The following SMC6 variants were observed in gnomAD, a reference collection of about 807,000 sequenced individuals.
The protein encoded by SMC6 is structural maintenance of chromosomes protein 6.
Under a neutral mutation model 142.2 loss-of-function variants are expected in SMC6, and 79 were observed. The ratio of observed to expected loss-of-function variants is 0.56; its 90% CI spans 0.46 to 0.67. The LOEUF (loss-of-function observed/expected upper bound fraction) is 0.67. SMC6 is among the 30% of genes least tolerant of loss of function. SMC6 has a pLI of 0.00. For missense variants in SMC6, 1,072 were observed against 1,284.0 expected, an observed-to-expected ratio of 0.83 and a Z score of 2.52; for synonymous variants, 411 against 412.4, an observed-to-expected ratio of 1.00 and a Z score of 0.04.
At chr2:17,667,394 G>A (rs751733868) in intron 26 of SMC6, among the ~76,000 whole-genome samples, 12 of 152,250 alleles carry the variant, frequency 7.9e-5, no homozygotes, top group South Asian at 2.1e-4. Flanking sequence ...ATAATGCTTC[G>A]TTATAATAGG....
In SMC6 at chr2:17,721,170, G is replaced by T. The variant is rs764753490; in HGVS notation, c.818C>A (p.Ser273Tyr). The change falls in exon 10 of 28, where the codon TCC becomes TAC. Residue 273 changes from serine to tyrosine, a missense_variant. By Grantham distance (144) the Ser-to-Tyr change is moderately radical (BLOSUM62 -2). Transcript: ENST00000448223. ...TGCCCAAGCCATTTCATGTTTCAAG[G>T]ACTCTAAATTAGTCTTCATTGTACT... is the stretch of plus-strand genomic sequence containing the variant. ...GLSTMKTNLE[S>Y]LKHEMAWAVV... 21 of 1,611,818 alleles carry T rather than the reference G, an allele frequency of 1.3e-5. 2 individuals are homozygous for T. In the South Asian group the frequency reaches 2.2e-4, roughly 17 times the overall value.
intron 23 of SMC6, among the ~76,000 whole-genome samples, chr2:17,687,622 G>A (rs992337876): frequency 6.6e-6 from 1 of 152,124 alleles, no homozygotes; most frequent in South Asian, 2.1e-4. Flanking sequence ...AAAAAGAACT[G>A]TTGCCTATAG....
chr2:17,725,996 G>A (rs1282397415), intron 8 of SMC6, among the ~76,000 whole-genome samples: 6 of 137,924 alleles, frequency 4.4e-5, no homozygotes, highest in East Asian at 2.2e-4. Flanking sequence ...GCTGAGGCAC[G>A]AAAATCACTT....
intron 7 of SMC6, among the ~76,000 whole-genome samples, chr2:17,726,981 GT>G (rs1302286127): frequency 6.6e-6 from 1 of 152,162 alleles, no homozygotes; most frequent in East Asian, 1.9e-4. Context: ...ATGACAACAA[GT>G]ATTGTCTATT....
intron 16 of SMC6, among the ~76,000 whole-genome samples, chr2:17,712,822 CAG>C (rs901251473): frequency 6.6e-6 from 1 of 152,190 alleles, no homozygotes; most frequent in Non-Finnish European, 1.5e-5. Flanking sequence ...GTAAAGTTAA[CAG>C]AATGTTAGAC....
chr2:17,701,063 TA>T (rs1558345223), intron 20 of SMC6, among the ~76,000 whole-genome samples: 40 of 133,136 alleles, frequency 3.0e-4, no homozygotes, highest in Admixed American at 9.3e-4. Flanking sequence ...ATAATAATAA[TA>T]ATAATACAAA....
Position 17,714,994 on chromosome 2 carries a change from C to A in SMC6, c.1597G>T (p.Ala533Ser). The change falls in exon 16 of 28, where the codon GCC becomes TCC. Residue 533 changes from alanine (A) to serine (S), a missense_variant. Around this residue, in one of 3 missense-constraint regions of SMC6, gnomAD observed 994 missense variants for 1,153.2 expected, o/e 0.86. Transcript: ENST00000448223. ...TCAGCATGATTATGGCAACAATAGG[C>A]CTGCAGAAGCCCTTTTAAGCAAGAT... ...IESCLKGLLQ[A>S]YCCHNHADER... 1 of 1,613,960 alleles carries A rather than the reference C, an allele frequency of 6.2e-7. No homozygotes were observed. Among genetic ancestry groups the A allele is most frequent in the African/African-American group, 1.3e-5 (1 of 74,986 alleles).
Position 17,716,902 on chromosome 2 carries a change from A to G in SMC6, c.1185T>C (p.Thr395=). 1 of 1,594,460 alleles carries G rather than the reference A, an allele frequency of 6.3e-7. No homozygotes were observed. Among genetic ancestry groups the G allele is most frequent in the Non-Finnish European group, 8.5e-7 (1 of 1,174,042 alleles). The stretch of plus-strand genomic sequence containing the variant: ...ACCGTTCAGGTTCCAAAGATTGGTC[A>G]GTACTAACAGTAAATAACCCAAAGT... ...CKRIEELKKS[T]DQSLEPERLE... Residue 395 remains threonine, a synonymous_variant, in exon 14 of 28, where the codon ACT becomes ACC. Transcript: ENST00000448223.
In SMC6 at chr2:17,693,473, C is replaced by T. The variant is rs550741216; in HGVS notation, c.2678+1679G>A. 1.9e-3 allele frequency among the ~76,000 whole-genome samples: 294 copies of T among 152,136 alleles called. 1 individual carries two copies. Among genetic ancestry groups the T allele is most frequent in the Middle Eastern group, 6.8e-3 (2 of 294 alleles). On this transcript the variant is annotated intron_variant, in intron 23 of 27. Transcript: ENST00000448223. ...AAAAACCAAACACTGCATGTTCTCA[C>T]TCATAGGTGGGAATTGAACAACGAG...
intron 7 of SMC6, among the ~76,000 whole-genome samples, chr2:17,727,540 T>C (rs1019204076): frequency 6.6e-6 from 1 of 151,756 alleles, no homozygotes; most frequent in African/African-American, 2.4e-5. Flanking sequence ...CACACACACA[T>C]ATATGTAAAA....
chr2:17,747,880 T>G (rs1670833977), intron 2 of SMC6, among the ~76,000 whole-genome samples: 1 of 152,184 alleles, frequency 6.6e-6, no homozygotes, highest in African/African-American at 2.4e-5. Flanking sequence ...TCACAAGCCA[T>G]GTAACCTCTG....
At chr2:17,670,400 G>T in intron 26 of SMC6, 23 bp downstream of exon 26, 1 of 1,587,910 alleles carries the variant, frequency 6.3e-7, no homozygotes, top group South Asian at 1.2e-5. Context: ...AAATGAAAAA[G>T]AGAATTTAAA....
intron 4 of SMC6, among the ~76,000 whole-genome samples, chr2:17,739,734 G>A (rs2125066876): frequency 6.6e-6 from 1 of 152,082 alleles, no homozygotes; most frequent in South Asian, 2.1e-4. Context: ...GATAGCTTGA[G>A]CCCAGGAGTT....
chr2:17,741,230 T>C (rs769494884), intron 4 of SMC6, among the ~76,000 whole-genome samples: 22 of 152,230 alleles, frequency 1.4e-4, no homozygotes, highest in Non-Finnish European at 2.9e-4. Context: ...ATTGGCCACC[T>C]GGTGAGAACT....
rs756190157 is a variant in SMC6, at chr2:17,741,737, T to TA, written c.121-9dup. The TA allele has an allele frequency of 3.8e-6, 6 of 1,558,584 alleles. No individual in the cohort carries two copies. The South Asian group carries it at 4.6e-5, about 12-fold the overall frequency. ...TCCAACTTCTGCTGCAGTCTATTAA[T>TA]AAAAAACAATGGGAGAAAATGGTCA... On this transcript the variant is annotated splice_polypyrimidine_tract_variant and intron_variant, in intron 3 of 27. Coordinates refer to ENST00000448223, the MANE Select transcript of SMC6 (RefSeq NM_001142286.2).
chr2:17,716,994 TAAC>T (rs1183509453), intron 13 of SMC6, 89 bp from the exon 14 acceptor site: 4 of 1,510,518 alleles, frequency 2.6e-6, no homozygotes, highest in Non-Finnish European at 3.6e-6. Context: ...AAAATTCCAT[TAAC>T]AACAATACAT....
intron 17 of SMC6, among the ~76,000 whole-genome samples, chr2:17,707,848 A>G (rs1015921629): frequency 1.3e-5 from 2 of 152,008 alleles, no homozygotes; most frequent in Non-Finnish European, 2.9e-5. Context: ...GGAGGAAGTA[A>G]AAGAAGATTA....
At chr2:17,726,314 A>G in intron 8 of SMC6, 75 bp downstream of exon 8, 1 of 1,089,770 alleles carries the variant, frequency 9.2e-7, no homozygotes, top group Non-Finnish European at 1.3e-6. Context: ...CCATTATGTG[A>G]GCAATAATAT....
chr2:17,707,283 G>A lies in SMC6; in HGVS notation c.1942C>T (p.Arg648Cys). 5 of 1,602,206 alleles carry A rather than the reference G, an allele frequency of 3.1e-6. No homozygotes were observed. The highest frequency in any genetic ancestry group is 4.3e-6 in the Non-Finnish European group (5 of 1,174,786). The change falls in exon 18 of 28, where the codon CGT becomes TGT. Residue 648 changes from arginine to cysteine, a missense_variant. Coordinates refer to ENST00000448223, the MANE Select transcript of SMC6 (RefSeq NM_001142286.2). The part of the protein sequence containing the change: ...TADGDQVFAG[R>C]YYSSENTRPK... ...CTTGTATTTTCAGATGAATAATAAC[G>A]TCCTGCAAAAACTTGATCACCATCA...
Sources: allele counts gnomAD v4.1 joint callset (sites outside exome capture counted in the v4.1 genomes callset), GRCh38; gene constraint gnomAD v4.1.1; regional missense constraint gnomAD v4.1.1; transcripts MANE v1.5; gene names NCBI Gene and HGNC (gene_info 2026-07-23, HGNC 2026-07-21).